Variants in TP63 observed in about 807,000 individuals in gnomAD.
TP63 encodes tumor protein p63.
In TP63, 17 loss-of-function variants were observed where a neutral mutation model predicts 82.8. The observed-to-expected ratio is 0.21, with a 90% CI of 0.14 to 0.31. The LOEUF (loss-of-function observed/expected upper bound fraction) is 0.31, where lower values mean the gene tolerates loss of function less well. Ranked by LOEUF, TP63 falls within the 10% of genes least tolerant of loss-of-function variation. The pLI is 1.00. For missense variants in TP63, 648 were observed against 895.3 expected (o/e 0.72, Z 3.52); for synonymous variants, 330 against 321.7 (o/e 1.03, Z -0.28).
intron 3 of TP63, among the ~76,000 whole-genome samples, chr3:189,783,877 ATAT>A (rs2108580524): frequency 6.6e-6 from 1 of 152,032 alleles, no homozygotes; most frequent in South Asian, 2.1e-4. Flanking sequence ...AAATAACTTG[ATAT>A]TATATCCATG....
rs142654900 is a variant in TP63, at chr3:189,714,851, A to C, written c.63-22889A>C. Among the ~76,000 whole-genome samples, 25 of 152,320 alleles carry C rather than the reference A, an allele frequency of 1.6e-4. No homozygotes were observed. In the East Asian group the frequency reaches 4.8e-3, roughly 29 times the overall value. ...TCTCTTTTTTTTAAAGTGCTGTCTA[A>C]AAAGCAAAATAGAACAAAAATCCAA... On this transcript the variant is annotated intron_variant, in intron 1 of 13. Transcript: ENST00000264731.
intron 4 of TP63, among the ~76,000 whole-genome samples, chr3:189,838,273 T>G (rs1336999255): frequency 6.6e-6 from 1 of 152,146 alleles, no homozygotes; most frequent in African/African-American, 2.4e-5. Flanking sequence ...TGGTAATGTT[T>G]CAAATTTATT....
intron 1 of TP63, among the ~76,000 whole-genome samples, chr3:189,727,287 A>C (rs1012125570): frequency 1.3e-5 from 2 of 152,182 alleles, no homozygotes; most frequent in Non-Finnish European, 2.9e-5. Context: ...CCCATAATAG[A>C]TTCTATAATT....
intron 1 of TP63, among the ~76,000 whole-genome samples, chr3:189,645,147 T>G (rs558525645): frequency 6.6e-6 from 1 of 152,340 alleles, no homozygotes; most frequent in East Asian, 1.9e-4. Context: ...TTTCCTTTTA[T>G]TTGTCCTAAA....
chr3:189,870,501 A>G (rs940802560), intron 9 of TP63, among the ~76,000 whole-genome samples: 1 of 152,120 alleles, frequency 6.6e-6, no homozygotes, highest in Non-Finnish European at 1.5e-5. Context: ...AAGGGACTTG[A>G]GCAACCTAGG....
At chr3:189,752,429 C>T (rs1057048997) in intron 3 of TP63, among the ~76,000 whole-genome samples, 2 of 152,166 alleles carry the variant, frequency 1.3e-5, no homozygotes, top group African/African-American at 2.4e-5. Context: ...AATCCTCCCA[C>T]CTCAGCCTCC....
intron 3 of TP63, among the ~76,000 whole-genome samples, chr3:189,768,925 T>C (rs1484231940): frequency 6.6e-6 from 1 of 152,154 alleles, no homozygotes; most frequent in African/African-American, 2.4e-5. Flanking sequence ...GAAGATTCAA[T>C]CTAGGGTCAG....
upstream of TP63, among the ~76,000 whole-genome samples, chr3:189,629,640 G>A (rs1447583099): frequency 6.6e-6 from 1 of 152,128 alleles, no homozygotes; most frequent in Non-Finnish European, 1.5e-5. Flanking sequence ...CTGGGAACGT[G>A]TTAGAAATGC....
intron 4 of TP63, among the ~76,000 whole-genome samples, chr3:189,821,780 A>G (rs991428104): frequency 6.6e-6 from 1 of 152,232 alleles, no homozygotes; most frequent in African/African-American, 2.4e-5. Context: ...TCTTCTTTCC[A>G]TAAGTTCCTG....
intron 8 of TP63, 53 bp downstream of exon 8, chr3:189,868,769 G>A (rs1486139148): frequency 1.2e-5 from 19 of 1,612,642 alleles, no homozygotes; most frequent in Admixed American, 3.3e-5. Flanking sequence ...TCCAGATGTT[G>A]GAGAATGGGG....
At chr3:189,648,418 A>G (rs1190068225) in intron 1 of TP63, among the ~76,000 whole-genome samples, 1 of 147,230 alleles carries the variant, frequency 6.8e-6, no homozygotes, top group African/African-American at 2.5e-5. Flanking sequence ...GCCCCAATTC[A>G]TCCCAAGCAC....
intron 1 of TP63, among the ~76,000 whole-genome samples, chr3:189,714,786 A>G (rs1718838926): frequency 6.6e-6 from 1 of 152,168 alleles, no homozygotes; most frequent in Non-Finnish European, 1.5e-5. Context: ...TTGAACGTAA[A>G]CACACACAGA....
intron 1 of TP63, among the ~76,000 whole-genome samples, chr3:189,698,221 G>A (rs1308782267): frequency 6.6e-6 from 1 of 152,056 alleles, no homozygotes; most frequent in Non-Finnish European, 1.5e-5. Flanking sequence ...CCAATGTCCT[G>A]AGACTTTTTG....
At chr3:189,839,881 G>A (rs1464835722) in intron 4 of TP63, among the ~76,000 whole-genome samples, 1 of 152,190 alleles carries the variant, frequency 6.6e-6, no homozygotes, top group Non-Finnish European at 1.5e-5. Flanking sequence ...GCCCTGTACA[G>A]GGGAGGAGCA....
intron 4 of TP63, among the ~76,000 whole-genome samples, chr3:189,831,302 T>C (rs1712294926): frequency 6.6e-6 from 1 of 152,210 alleles, no homozygotes; most frequent in Non-Finnish European, 1.5e-5. Flanking sequence ...CCTTATTTAT[T>C]TTCCGTCTAA....
intron 4 of TP63, among the ~76,000 whole-genome samples, chr3:189,808,885 A>G (rs1727227012): frequency 6.6e-6 from 1 of 152,200 alleles, no homozygotes; most frequent in African/African-American, 2.4e-5. Context: ...GAACGTGTTT[A>G]CCAGTCTCAT....
chr3:189,820,108 C>T (rs1728646986), intron 4 of TP63, among the ~76,000 whole-genome samples: 1 of 152,128 alleles, frequency 6.6e-6, no homozygotes, highest in African/African-American at 2.4e-5. Context: ...GCAAATGTAA[C>T]AAAGGCATAT....
At chr3:189,711,793 T>C (rs1718613974) in intron 1 of TP63, among the ~76,000 whole-genome samples, 1 of 152,210 alleles carries the variant, frequency 6.6e-6, no homozygotes, top group Non-Finnish European at 1.5e-5. Flanking sequence ...CAGTTAGGCC[T>C]ATCCACTTTT....
At chr3:189,872,249 G>T (rs894553282) in intron 9 of TP63, among the ~76,000 whole-genome samples, 1 of 66,308 alleles carries the variant, frequency 1.5e-5, no homozygotes, top group Non-Finnish European at 2.8e-5. Context: ...ATGCACCTCT[G>T]GTCACATACA....
Sources: gnomAD v4.1 joint callset for allele counts (sites outside exome capture counted in the v4.1 genomes callset) on GRCh38, gnomAD v4.1.1 for gene constraint, MANE v1.5 for transcripts, NCBI Gene and HGNC (gene_info 2026-07-23, HGNC 2026-07-21) for gene names.